ZNF292: variants seen among roughly 807,000 people sequenced by gnomAD.
ZNF292 encodes 16 zinc-finger domain protein.
Under a neutral mutation model 217.9 loss-of-function variants are expected in ZNF292, and 26 were observed. The ratio of observed to expected loss-of-function variants is 0.12; its 90% CI spans 0.09 to 0.17. ZNF292 has a LOEUF of 0.17. ZNF292 is among the 10% of genes least tolerant of loss of function. The pLI, the probability that ZNF292 is intolerant of heterozygous loss-of-function variation, is 1.00. For synonymous variants in ZNF292, 1,257 were observed against 1,124.1 expected, an observed-to-expected ratio of 1.12 and a Z score of -2.37; for missense variants, 2,904 against 3,175.2, an observed-to-expected ratio of 0.91 and a Z score of 2.05.
At chr6:87,204,837 T>C (rs1156966098) in intron 1 of ZNF292, among the ~76,000 whole-genome samples, 1 of 152,160 alleles carries the variant, frequency 6.6e-6, no homozygotes, top group East Asian at 1.9e-4. Context: ...GTGCTGGGAT[T>C]ACAGGCGTGA....
Position 87,261,486 on chromosome 6 carries a change from C to T in ZNF292, c.7857C>T (p.Asn2619=). 1 of 1,603,940 alleles carries T rather than the reference C, an allele frequency of 6.2e-7. No individual in the cohort carries two copies. The highest frequency in any genetic ancestry group is 8.5e-7 in the Non-Finnish European group (1 of 1,174,792). The change falls in exon 8 of 8, where the codon AAC becomes AAT. Residue 2619 remains asparagine, a synonymous_variant. Transcript: ENST00000369577. The part of the protein sequence containing the change: ...NTDKDHPNTG[N]KKGSHSNSRK... ...ACAAAGACCATCCGAATACTGGAAACAAAAAAGGATCCCATTCAAATTCAA... is the reference window on the plus strand; with the variant it reads ...ACAAAGACCATCCGAATACTGGAAATAAAAAAGGATCCCATTCAAATTCAA...
Position 87,257,930 on chromosome 6 carries a change from T to G in ZNF292, c.4301T>G (p.Leu1434Trp). 1.9e-6 allele frequency: 3 copies of G among 1,613,912 alleles called. No homozygotes were observed. The highest frequency in any genetic ancestry group is 2.5e-6 in the Non-Finnish European group (3 of 1,179,820). ...SMILSTNAVN[L>W]QQPQQSTFNP... The stretch of plus-strand genomic sequence containing the variant: ...ATTCTCTCCACAAATGCAGTAAATT[T>G]GCAGCAGCCACAACAATCTACCTTC... Residue 1434 changes from leucine to tryptophan, a missense_variant, in exon 8 of 8, where the codon TTG becomes TGG. Physicochemically the swap from Leu to Trp is moderately conservative, Grantham distance 61. This residue lies in a region of ZNF292 where 622 missense variants were observed against 573.1 expected (regional missense o/e 1.09). Coordinates refer to ENST00000369577, the MANE Select transcript of ZNF292 (RefSeq NM_015021.3).
intron 1 of ZNF292, among the ~76,000 whole-genome samples, chr6:87,204,599 T>C (rs192289781): frequency 3.9e-4 from 54 of 139,548 alleles, no homozygotes; most frequent in African/African-American, 1.5e-3. Flanking sequence ...GTCTCGCTCT[T>C]ATCGCCCAGG....
intron 1 of ZNF292, among the ~76,000 whole-genome samples, chr6:87,184,350 T>C (rs1771569080): frequency 6.6e-6 from 1 of 152,248 alleles, no homozygotes; most frequent in African/African-American, 2.4e-5. Flanking sequence ...TTTGGAAGTC[T>C]GGTTATTGTT....
Position 87,165,788 on chromosome 6 carries a change from C to T in ZNF292, c.168+10029C>T, listed in dbSNP as rs9968829. On this transcript the variant is annotated intron_variant, in intron 1 of 7. Coordinates refer to ENST00000369577, the MANE Select transcript of ZNF292 (RefSeq NM_015021.3). ...TTTTTTTTTTTTTGACATAGAGTTT[C>T]GCTCTTGTCTCCCAGGCTGGAGTGC... 8.6e-3 allele frequency among the ~76,000 whole-genome samples: 1,048 copies of T among 121,454 alleles called. 10 individuals are homozygous for T. Among genetic ancestry groups the T allele is most frequent in the African/African-American group, 0.032 (985 of 30,522 alleles). The allele number at this position is 121,454 out of a possible 152,430, so 79.7% of individuals were successfully genotyped here. A position where few individuals can be genotyped will look rare whatever the true frequency, so the allele number is the denominator to read the frequency against.
At chr6:87,241,254 A>G (rs891426680) in intron 5 of ZNF292, among the ~76,000 whole-genome samples, 66 of 152,168 alleles carry the variant, frequency 4.3e-4, no homozygotes, top group African/African-American at 1.6e-3. Context: ...ACTGTGCCCC[A>G]GCCTGAGCAA....
chr6:87,200,169 A>G (rs1317007856), intron 1 of ZNF292, among the ~76,000 whole-genome samples: 1 of 152,184 alleles, frequency 6.6e-6, no homozygotes, highest in Non-Finnish European at 1.5e-5. Flanking sequence ...CCCACATGAT[A>G]TTTAGCTATA....
At chr6:87,184,503 C>G (rs747718192) in intron 1 of ZNF292, among the ~76,000 whole-genome samples, 1 of 124,828 alleles carries the variant, frequency 8.0e-6, no homozygotes, top group Non-Finnish European at 1.6e-5. Flanking sequence ...GGGGACAGTT[C>G]CGTAGATGTC....
intron 1 of ZNF292, among the ~76,000 whole-genome samples, chr6:87,187,892 A>G (rs1204538063): frequency 1.3e-5 from 2 of 152,084 alleles, no homozygotes; most frequent in Middle Eastern, 3.2e-3. Flanking sequence ...GACAGTGGGG[A>G]ACAAGAGAGC....
intron 1 of ZNF292, among the ~76,000 whole-genome samples, chr6:87,191,314 A>G (rs190786529): frequency 4.4e-4 from 67 of 152,236 alleles, no homozygotes; most frequent in Admixed American, 1.1e-3. Flanking sequence ...AAAACTCATA[A>G]TTTTAAGAAA....
At chr6:87,174,142 T>G (rs1219058294) in intron 1 of ZNF292, 1 of 156,680 alleles carries the variant, frequency 6.4e-6, no homozygotes, top group Non-Finnish European at 1.4e-5. Context: ...GTGTATTTCC[T>G]GTTAAGGTAG....
chr6:87,155,718 G>T lies in ZNF292; in HGVS notation c.127G>T (p.Ala43Ser). ...ELQLRESRVP[A>S]VEAATDYCQQ... ...ACAGCTGCGGGAGAGCCGGGTACCG[G>T]CCGTGGAAGCGGCCACCGACTACTG... Residue 43 changes from alanine (A) to serine (S), a missense_variant, in exon 1 of 8, where the codon GCC becomes TCC. Around this residue, in one of 15 missense-constraint regions of ZNF292, gnomAD observed 313 missense variants for 451.0 expected, o/e 0.69. Coordinates refer to ENST00000369577, the MANE Select transcript of ZNF292 (RefSeq NM_015021.3). The T allele has an allele frequency of 6.3e-7, 1 of 1,598,510 alleles. No homozygotes were observed. The highest frequency in any genetic ancestry group is 8.5e-7 in the Non-Finnish European group (1 of 1,174,242).
intron 4 of ZNF292, among the ~76,000 whole-genome samples, chr6:87,221,328 A>C (rs1246139940): frequency 6.6e-6 from 1 of 152,206 alleles, no homozygotes; most frequent in East Asian, 1.9e-4. Context: ...CTTTAGTCAT[A>C]ATCTTGGGAT....
intron 1 of ZNF292, among the ~76,000 whole-genome samples, chr6:87,179,358 A>G (rs1332519913): frequency 6.6e-6 from 1 of 151,938 alleles, no homozygotes; most frequent in African/African-American, 2.4e-5. Flanking sequence ...ACAGGGTTTC[A>G]CCATGTTGGC....
chr6:87,174,928 G>A (rs999715269), intron 1 of ZNF292, among the ~76,000 whole-genome samples: 3 of 152,146 alleles, frequency 2.0e-5, no homozygotes, highest in Admixed American at 6.5e-5. Context: ...TCCCGAAGTC[G>A]TCATCTCAGA....
chr6:87,256,071 T>C lies in ZNF292; in HGVS notation c.2442T>C (p.Cys814=). The C allele has an allele frequency of 6.2e-7, 1 of 1,612,522 alleles. No homozygotes were observed. The highest frequency in any genetic ancestry group is 1.1e-5 in the South Asian group (1 of 90,810). The change falls in exon 8 of 8, where the codon TGT becomes TGC. Residue 814 remains cysteine, a synonymous_variant. Coordinates refer to ENST00000369577, the MANE Select transcript of ZNF292 (RefSeq NM_015021.3). The part of the protein sequence containing the change: ...YNTYTCKFTG[C]GKVYRSQGEL... Reference sequence around the variant, plus strand: ...CGTACACTTGTAAGTTCACAGGTTGTGGTAAAGTTTATCGTTCTCAGGGTG... The same window carrying C: ...CGTACACTTGTAAGTTCACAGGTTGCGGTAAAGTTTATCGTTCTCAGGGTG...
chr6:87,228,280 T>G (rs1023509151), intron 4 of ZNF292, among the ~76,000 whole-genome samples: 3 of 152,186 alleles, frequency 2.0e-5, no homozygotes, highest in Non-Finnish European at 4.4e-5. Context: ...ACTGGATTTT[T>G]TTGTTGTTGT....
At chr6:87,246,971 A>T (rs1326847906) in intron 7 of ZNF292, among the ~76,000 whole-genome samples, 1 of 152,192 alleles carries the variant, frequency 6.6e-6, no homozygotes, top group African/African-American at 2.4e-5. Flanking sequence ...CCTGGCCAAC[A>T]TGGCAAAACC....
intron 1 of ZNF292, among the ~76,000 whole-genome samples, chr6:87,177,106 T>A (rs766281732): frequency 2.6e-5 from 4 of 152,088 alleles, no homozygotes; most frequent in Non-Finnish European, 5.9e-5. Flanking sequence ...GGTGGGCAGA[T>A]CACCTGAGGT....
Sources: gnomAD v4.1 joint callset for allele counts (sites outside exome capture counted in the v4.1 genomes callset) on GRCh38, gnomAD v4.1.1 for gene constraint, gnomAD v4.1.1 regional missense constraint, MANE v1.5 for transcripts, NCBI Gene and HGNC (gene_info 2026-07-23, HGNC 2026-07-21) for gene names.